Variants in CFAP54 observed in about 807,000 individuals in gnomAD.
The protein encoded by CFAP54 is cilia- and flagella-associated protein 54.
A neutral mutation model predicts 370.4 loss-of-function variants in CFAP54; 290 were observed. That is an observed-to-expected ratio of 0.78 (90% CI 0.71 to 0.86). The LOEUF (loss-of-function observed/expected upper bound fraction) is 0.86. Among genes scored for constraint, CFAP54 ranks in the 40% least tolerant of loss-of-function variants. The pLI is 0.00. For synonymous variants in CFAP54, 1,206 were observed against 1,236.5 expected (o/e 0.98, Z 0.52); for missense variants, 3,399 against 3,528.7 (o/e 0.96, Z 0.93).
intron 63 of CFAP54, among the ~76,000 whole-genome samples, chr12:96,810,172 T>G (rs137879768): frequency 2.1e-4 from 32 of 152,138 alleles, no homozygotes; most frequent in Non-Finnish European, 4.0e-4. Context: ...GAGCCTCCAG[T>G]TCCTGAGCTT....
At position 96,598,718 on chromosome 12, in the gene CFAP54, T is replaced by C. The variant is rs573352715; in HGVS notation, c.3590T>C (p.Phe1197Ser). The C allele has an allele frequency of 1.9e-5, 13 of 682,394 alleles. No individual in the cohort carries two copies. The highest frequency in any genetic ancestry group is 1.6e-4 in the African/African-American group (9 of 56,914). 42.3% of individuals were successfully genotyped at this position (682,394 alleles called of 1,614,324 possible). A position where few individuals can be genotyped will look rare whatever the true frequency, so the allele number is the denominator to read the frequency against. Residue 1197 changes from phenylalanine (F) to serine (S), a missense_variant, in exon 26 of 68, where the codon TTT becomes TCT. Physicochemically the swap from Phe to Ser is radical, Grantham distance 155. Transcript: ENST00000524981. ...IVCSKKHTAS[F>S]ESIQHMIACC... ...TGCTCGAAGAAACATACTGCGAGCT[T>C]TGAAAGTATACAACACATGATAGCT...
chr12:96,567,932 C>T (rs528188406), intron 19 of CFAP54, among the ~76,000 whole-genome samples: 51 of 152,210 alleles, frequency 3.4e-4, no homozygotes, highest in African/African-American at 1.2e-3. Flanking sequence ...CTAGGGTACT[C>T]TCTTAAACAA....
At chr12:96,531,127 A>G (rs1301825744) in intron 9 of CFAP54, among the ~76,000 whole-genome samples, 2 of 151,930 alleles carry the variant, frequency 1.3e-5, no homozygotes. Flanking sequence ...TCTCCTCATC[A>G]TTACTTCCCA....
At chr12:96,735,854 A>G (rs948058834) in intron 50 of CFAP54, among the ~76,000 whole-genome samples, 4 of 152,192 alleles carry the variant, frequency 2.6e-5, no homozygotes, top group Non-Finnish European at 5.9e-5. Context: ...ATTAAACATA[A>G]CTGCTATTAG....
At chr12:96,740,857 G>A (rs1201232798) in intron 51 of CFAP54, among the ~76,000 whole-genome samples, 1 of 152,110 alleles carries the variant, frequency 6.6e-6, no homozygotes, top group African/African-American at 2.4e-5. Flanking sequence ...GGGTGGAGGC[G>A]GGTGCTACTG....
chr12:96,792,537 T>C, intron 63 of CFAP54, 38 bp downstream of exon 63: 5 of 1,451,362 alleles, frequency 3.4e-6, no homozygotes, highest in Non-Finnish European at 4.6e-6. Context: ...ATTTCATTTA[T>C]ATATAAAGCT....
Position 96,647,879 on chromosome 12 carries a change from C to T in CFAP54, c.4552C>T (p.Arg1518Ter), listed in dbSNP as rs1043155735. Residue 1518 changes from arginine (R) to a stop codon, truncating the protein, a stop_gained, in exon 34 of 68, where the codon CGA (arginine) becomes TGA (stop). Transcript: ENST00000524981. LOFTEE classifies it high-confidence loss of function. The part of the protein sequence containing the change: ...FGTSHMMVSF[R>*]SCDPNMFSLY... ...ATGATTTTTCCCCCCTTGCAGTTTC[C>T]GATCATGTGATCCTAACATGTTTTC... is the stretch of plus-strand genomic sequence containing the variant. 32 of 1,499,304 alleles carry T rather than the reference C, an allele frequency of 2.1e-5. No individual in the cohort carries two copies. Among genetic ancestry groups the T allele is most frequent in the Admixed American group, 4.7e-5 (2 of 42,370 alleles). The allele number at this position is 1,499,304 out of a possible 1,614,324, so 92.9% of individuals were successfully genotyped here. A position where few individuals can be genotyped will look rare whatever the true frequency, so the allele number is the denominator to read the frequency against.
chr12:96,713,630 G>A (rs541231450), intron 48 of CFAP54, among the ~76,000 whole-genome samples: 59 of 152,224 alleles, frequency 3.9e-4, no homozygotes, highest in African/African-American at 1.3e-3. Flanking sequence ...AATGAATAAA[G>A]GCATTGTGGG....
intron 66 of CFAP54, among the ~76,000 whole-genome samples, chr12:96,860,134 ATTTTTTT>A (rs137937553): frequency 1.5e-4 from 19 of 127,962 alleles, no homozygotes; most frequent in African/African-American, 5.1e-4. Flanking sequence ...TTGTTCTCTA[ATTTTTTT>A]TTTTTTTTTT....
intron 63 of CFAP54, among the ~76,000 whole-genome samples, chr12:96,810,213 C>A (rs1297357747): frequency 6.6e-6 from 1 of 152,084 alleles, no homozygotes; most frequent in East Asian, 1.9e-4. Context: ...TTGTTGTTGG[C>A]AACCCCTCTG....
chr12:96,516,482 A>C (rs774368062), intron 5 of CFAP54, among the ~76,000 whole-genome samples: 6 of 152,156 alleles, frequency 3.9e-5, no homozygotes, highest in Non-Finnish European at 7.4e-5. Context: ...AACCAAAACT[A>C]ACCAGGGGCT....
intron 17 of CFAP54, among the ~76,000 whole-genome samples, chr12:96,563,093 G>A (rs1454690339): frequency 6.6e-6 from 1 of 152,056 alleles, no homozygotes. Flanking sequence ...ATTTCCTTTA[G>A]TGGAGGATTA....
chr12:96,841,696 C>T (rs770299012), intron 66 of CFAP54, among the ~76,000 whole-genome samples: 1 of 152,196 alleles, frequency 6.6e-6, no homozygotes. Flanking sequence ...AGGAAGAGCA[C>T]TTAGCACACG....
Position 96,519,011 on chromosome 12 carries a change from T to C in CFAP54, c.882T>C (p.Ala294=), listed in dbSNP as rs1480381046. Reference sequence around the variant, plus strand: ...CACTCAGGTACTTGACATGGCGCGCTACTCTCTACACAGCTGTTTGCCAGT... The same window carrying C: ...CACTCAGGTACTTGACATGGCGCGCCACTCTCTACACAGCTGTTTGCCAGT... ...LLSLRYLTWR[A]TLYTAVCQCC... is the part of the protein sequence containing the mutation. Residue 294 remains alanine, a synonymous_variant, in exon 6 of 68, where the codon GCT becomes GCC. Coordinates refer to ENST00000524981, the MANE Select transcript of CFAP54 (RefSeq NM_001306084.2). 2.0e-6 allele frequency: 3 copies of C among 1,536,004 alleles called. No individual in the cohort carries two copies. The highest frequency in any genetic ancestry group is 1.7e-4 in the Middle Eastern group (1 of 5,972).
At chr12:96,806,037 A>G (rs1015405366) in intron 63 of CFAP54, among the ~76,000 whole-genome samples, 7 of 150,534 alleles carry the variant, frequency 4.7e-5, no homozygotes, top group African/African-American at 1.5e-4. Flanking sequence ...AATAATAGAC[A>G]TTGGAAACTA....
chr12:96,840,616 C>CTCTTTT lies in CFAP54; in HGVS notation c.9171+11529_9171+11530insCTTTTT, dbSNP rs754313435. Reference sequence around the variant, plus strand: ...GAGCTACAGACTTTCTTTCTTTTCTCTGTTTCTTTCTTTTTTTTTTTTTTT... The same window carrying CTCTTTT: ...GAGCTACAGACTTTCTTTCTTTTCTCTCTTTTTGTTTCTTTCTTTTTTTTTTTTTTT... On this transcript the variant is annotated intron_variant, in intron 66 of 67. Coordinates refer to ENST00000524981, the MANE Select transcript of CFAP54 (RefSeq NM_001306084.2). Among the ~76,000 whole-genome samples, 4 of 93,372 alleles carry CTCTTTT rather than the reference C, an allele frequency of 4.3e-5. 2 individuals are homozygous for CTCTTTT. Among genetic ancestry groups the CTCTTTT allele is most frequent in the Non-Finnish European group, 8.2e-5 (4 of 48,948 alleles). 61.3% of individuals were successfully genotyped at this position (93,372 alleles called of 152,430 possible). A position where few individuals can be genotyped will look rare whatever the true frequency, so the allele number is the denominator to read the frequency against.
At chr12:96,612,282 C>G (rs540036914) in intron 26 of CFAP54, among the ~76,000 whole-genome samples, 67 of 152,016 alleles carry the variant, frequency 4.4e-4, no homozygotes, top group African/African-American at 1.5e-3. Context: ...CATATCCAGC[C>G]AAACTAAGCT....
chr12:96,714,995 AG>A (rs1246751355), intron 48 of CFAP54, among the ~76,000 whole-genome samples: 1 of 152,190 alleles, frequency 6.6e-6, no homozygotes, highest in Non-Finnish European at 1.5e-5. Context: ...GTTGAAGGGC[AG>A]AGTGTATAGG....
At chr12:96,699,328 C>A (rs1957467729) in intron 45 of CFAP54, among the ~76,000 whole-genome samples, 1 of 152,052 alleles carries the variant, frequency 6.6e-6, no homozygotes, top group Non-Finnish European at 1.5e-5. Flanking sequence ...CGATTTAGTT[C>A]AAGGAAGTTC....
Sources: gnomAD v4.1 joint callset for allele counts (sites outside exome capture counted in the v4.1 genomes callset) on GRCh38, gnomAD v4.1.1 for gene constraint, MANE v1.5 for transcripts, NCBI Gene and HGNC (gene_info 2026-07-23, HGNC 2026-07-21) for gene names.